Variants in PALM2AKAP2 observed in about 807,000 individuals in gnomAD.
PALM2AKAP2 encodes the protein PALM2 and AKAP2 fusion.
PALM2AKAP2 carries 37 observed loss-of-function variants against 71.5 expected under a neutral mutation model. The ratio of observed to expected loss-of-function variants is 0.52; its 90% confidence interval spans 0.40 to 0.68. The LOEUF (loss-of-function observed/expected upper bound fraction) is 0.68, where lower values mean the gene tolerates loss of function less well. Ranked by LOEUF, PALM2AKAP2 falls within the 30% of genes least tolerant of loss-of-function variation. The probability of loss-of-function intolerance (pLI) is 0.00; values close to 1 mark genes in which losing one functional copy is unlikely to be tolerated. For missense variants in PALM2AKAP2, 1,224 were observed against 1,191.8 expected, an observed-to-expected ratio of 1.03 and a Z score of -0.40; for synonymous variants, 468 against 478.8, an observed-to-expected ratio of 0.98 and a Z score of 0.29.
At chr9:109,967,735 G>A (rs1478191461) in intron 6 of PALM2AKAP2, among the ~76,000 whole-genome samples, 1 of 152,216 alleles carries the variant, frequency 6.6e-6, no homozygotes, top group African/African-American at 2.4e-5. Context: ...GAAGGGAGAA[G>A]TGTCAAAGAA....
chr9:109,674,107 G>A (rs1827614509), intron 1 of PALM2AKAP2, among the ~76,000 whole-genome samples: 1 of 151,904 alleles, frequency 6.6e-6, no homozygotes, highest in Non-Finnish European at 1.5e-5. Flanking sequence ...TGTCCAGTCT[G>A]CTGTTAATTT....
chr9:110,153,713 T>C (rs1017569615), intron 2 of PALM2AKAP2, among the ~76,000 whole-genome samples: 1 of 152,248 alleles, frequency 6.6e-6, no homozygotes, highest in African/African-American at 2.4e-5. Flanking sequence ...TCTACCCTAA[T>C]GGAGTTTGCA....
chr9:110,024,995 A>G, intron 7 of PALM2AKAP2: 5 of 1,286,546 alleles, frequency 3.9e-6, no homozygotes, highest in Admixed American at 3.4e-5. Flanking sequence ...GAACCCAGGT[A>G]CCTTTCTCTT....
intron 1 of PALM2AKAP2, among the ~76,000 whole-genome samples, chr9:109,817,389 A>G (rs1331228284): frequency 6.6e-6 from 1 of 152,252 alleles, no homozygotes; most frequent in Non-Finnish European, 1.5e-5. Context: ...AATGCACATC[A>G]CTGTGAGTCA....
intron 1 of PALM2AKAP2, among the ~76,000 whole-genome samples, chr9:109,794,928 C>A (rs10980043): frequency 0.18 from 27,241 of 152,254 alleles, 2,848 homozygotes; most frequent in East Asian, 0.34. Context: ...TGGACACTCA[C>A]AATTGCTCAC....
At chr9:109,758,468 CATT>C (rs1420127922) in intron 1 of PALM2AKAP2, among the ~76,000 whole-genome samples, 1 of 152,052 alleles carries the variant, frequency 6.6e-6, no homozygotes, top group African/African-American at 2.4e-5. Context: ...CTTATATCAT[CATT>C]AACACTGCTA....
Position 110,055,382 on chromosome 9 carries a change from G to A in PALM2AKAP2, c.156+6527G>A, listed in dbSNP as rs182812795. Among the ~76,000 whole-genome samples, 647 of 152,018 alleles carry A rather than the reference G, an allele frequency of 4.3e-3. 3 individuals carry two copies. Among genetic ancestry groups the A allele is most frequent in the Middle Eastern group, 0.02 (6 of 294 alleles). On this transcript the variant is annotated intron_variant, in intron 1 of 3. Transcript: ENST00000374525. ...GGCTAATTTTTGTATTTTTAGTAGA[G>A]GTGAGGTTTCACATGTTGTCCAGGC... is the stretch of plus-strand genomic sequence containing the variant.
chr9:109,982,469 T>A (rs1832294381), intron 6 of PALM2AKAP2, among the ~76,000 whole-genome samples: 1 of 152,242 alleles, frequency 6.6e-6, no homozygotes, highest in Non-Finnish European at 1.5e-5. Flanking sequence ...TTGGATTGTT[T>A]GTAACACAAA....
At chr9:110,064,825 G>T (rs571929010) in intron 1 of PALM2AKAP2, among the ~76,000 whole-genome samples, 14 of 152,314 alleles carry the variant, frequency 9.2e-5, no homozygotes, top group African/African-American at 3.4e-4. Context: ...TAAGGGAAAT[G>T]ATGGATGCCT....
chr9:109,700,645 T>C (rs1382304557), intron 1 of PALM2AKAP2, among the ~76,000 whole-genome samples: 2 of 152,226 alleles, frequency 1.3e-5, no homozygotes, highest in East Asian at 3.8e-4. Context: ...AATTACACTT[T>C]GTTGTCTCAC....
intron 1 of PALM2AKAP2, among the ~76,000 whole-genome samples, chr9:109,685,280 CT>C (rs1827792251): frequency 6.6e-6 from 1 of 152,094 alleles, no homozygotes; most frequent in Non-Finnish European, 1.5e-5. Context: ...GAACTGGACA[CT>C]TAAAATATAT....
intron 1 of PALM2AKAP2, among the ~76,000 whole-genome samples, chr9:110,070,387 A>C (rs1262773812): frequency 2.0e-5 from 3 of 152,224 alleles, no homozygotes; most frequent in African/African-American, 4.8e-5. Flanking sequence ...AAGAACAATG[A>C]CTATTTTAAA....
At chr9:109,700,842 GT>G (rs1564117924) in intron 1 of PALM2AKAP2, among the ~76,000 whole-genome samples, 4 of 152,166 alleles carry the variant, frequency 2.6e-5, no homozygotes, top group Admixed American at 2.6e-4. Flanking sequence ...ACTCTCTTAT[GT>G]TTTCAAAGTG....
At chr9:109,667,289 C>T (rs180702949) in intron 1 of PALM2AKAP2, among the ~76,000 whole-genome samples, 14 of 152,270 alleles carry the variant, frequency 9.2e-5, no homozygotes, top group African/African-American at 3.4e-4. Flanking sequence ...AAGACACAGA[C>T]ACCACCCTAC....
At chr9:110,048,749 C>T in exon 1 of PALM2AKAP2, 1 of 1,368,988 alleles carries the variant, frequency 7.3e-7, no homozygotes, top group East Asian at 2.7e-5. Flanking sequence ...CCGGAGTCTC[C>T]TGGACCCCCG....
Position 109,897,020 on chromosome 9 carries a change from A to G in PALM2AKAP2, c.257+16339A>G, listed in dbSNP as rs149151890. Reference sequence around the variant, plus strand: ...TGAATCCCATGCTAGGTAACAAATTATAGTGACAGGAAAATGTGGATTTTT... The same window carrying G: ...TGAATCCCATGCTAGGTAACAAATTGTAGTGACAGGAAAATGTGGATTTTT... On this transcript the variant is annotated intron_variant, in intron 3 of 9. Coordinates refer to the PALM2AKAP2 transcript ENST00000302798. Among the ~76,000 whole-genome samples the G allele has an allele frequency of 2.2e-4, 33 of 152,274 alleles. No individual in the cohort carries two copies. The East Asian group carries it at 6.2e-3, about 29-fold the overall frequency.
chr9:109,759,401 A>G (rs572775233), intron 1 of PALM2AKAP2, among the ~76,000 whole-genome samples: 1 of 152,294 alleles, frequency 6.6e-6, no homozygotes, highest in Admixed American at 6.5e-5. Flanking sequence ...AAAACATGGC[A>G]TCAAAACGGT....
chr9:110,004,317 G>T (rs186433777), intron 6 of PALM2AKAP2, among the ~76,000 whole-genome samples: 2 of 152,220 alleles, frequency 1.3e-5, no homozygotes, highest in Non-Finnish European at 2.9e-5. Flanking sequence ...ATGAAATTCT[G>T]GGTTGAAAAT....
intron 1 of PALM2AKAP2, among the ~76,000 whole-genome samples, chr9:109,688,391 T>A (rs1378547026): frequency 6.6e-6 from 1 of 152,242 alleles, no homozygotes; most frequent in Non-Finnish European, 1.5e-5. Context: ...AGCATTGAAC[T>A]AGATGATGGA....
Sources: allele counts gnomAD v4.1 joint callset (sites outside exome capture counted in the v4.1 genomes callset), GRCh38; gene constraint gnomAD v4.1.1; transcripts MANE v1.5; gene names NCBI Gene and HGNC (gene_info 2026-07-23, HGNC 2026-07-21).